SPDEF: variants seen among roughly 807,000 people sequenced by gnomAD.
SPDEF encodes the protein SAM pointed domain-containing Ets transcription factor.
In SPDEF, 12 loss-of-function variants were observed where a neutral mutation model predicts 36.0. The ratio of observed to expected loss-of-function variants is 0.33; its 90% CI spans 0.21 to 0.54. The LOEUF (loss-of-function observed/expected upper bound fraction) is 0.54, where lower values mean the gene tolerates loss of function less well. Ranked by LOEUF, SPDEF falls within the 20% of genes least tolerant of loss-of-function variation. The probability of loss-of-function intolerance (pLI) is 0.93; values close to 1 mark genes in which losing one functional copy is unlikely to be tolerated. For missense variants in SPDEF, 388 were observed against 456.9 expected (o/e 0.85, Z 1.37); for synonymous variants, 205 against 193.0 (o/e 1.06, Z -0.51).
At chr6:34,547,968 C>A (rs1258835419) in intron 1 of SPDEF, among the ~76,000 whole-genome samples, 2 of 152,178 alleles carry the variant, frequency 1.3e-5, no homozygotes, top group Admixed American at 1.3e-4. Context: ...GCAGCCCAGG[C>A]CTAGAGTAGG....
intron 1 of SPDEF, among the ~76,000 whole-genome samples, chr6:34,549,916 GC>G (rs1768025332): frequency 6.6e-6 from 1 of 152,202 alleles, no homozygotes; most frequent in African/African-American, 2.4e-5. Flanking sequence ...CTGTCTGTCA[GC>G]CCCTCCCTCC....
At chr6:34,553,495 G>A (rs1768106234) in intron 1 of SPDEF, among the ~76,000 whole-genome samples, 1 of 152,200 alleles carries the variant, frequency 6.6e-6, no homozygotes, top group Admixed American at 6.5e-5. Flanking sequence ...CTCTGGGGCT[G>A]GGGCCAGTGA....
chr6:34,545,583 A>G (rs1767934745), intron 1 of SPDEF, among the ~76,000 whole-genome samples: 1 of 152,232 alleles, frequency 6.6e-6, no homozygotes, highest in Admixed American at 6.5e-5. Flanking sequence ...ACATTCTGGG[A>G]TGGCAGTGAT....
At chr6:34,540,213 T>G (rs1767787795) in intron 3 of SPDEF, among the ~76,000 whole-genome samples, 1 of 151,830 alleles carries the variant, frequency 6.6e-6, no homozygotes, top group African/African-American at 2.4e-5. Flanking sequence ...GGTGGGAGGA[T>G]CCAATGAAAC....
intron 1 of SPDEF, among the ~76,000 whole-genome samples, chr6:34,545,988 T>C (rs1156371626): frequency 1.3e-5 from 2 of 151,720 alleles, no homozygotes; most frequent in Admixed American, 6.6e-5. Context: ...CCAACAGATA[T>C]ACGCTCCTAA....
rs1020397262 is a variant in SPDEF at position 34,544,447 on chromosome 6, G to A, written c.9C>T (p.Ser3=). 11 of 1,548,976 alleles carry A rather than the reference G, an allele frequency of 7.1e-6. No homozygotes were observed. The highest frequency in any genetic ancestry group is 2.3e-5 in the East Asian group (1 of 43,952). Residue 3 remains serine (S), a synonymous_variant, in exon 2 of 6, where the codon AGC becomes AGT. Transcript: ENST00000374037. This position sits in a 1 kb window ranked among gnomAD's most constrained non-coding sequence, Gnocchi z 4.4. ...ATACGCTGCTCAGACCCGGGCTGGC[G>A]CTGCCCATGCCGCTGCTGTTTGGGC... MG[S]ASPGLSSVSP...
At chr6:34,540,957 G>GCT in intron 3 of SPDEF, 27 bp downstream of exon 3, 1 of 1,597,588 alleles carries the variant, frequency 6.3e-7, no homozygotes, top group South Asian at 1.1e-5. Context: ...CCTGGGAGGG[G>GCT]CTGCTCCCAG....
At chr6:34,551,419 T>G (rs1768060166) in intron 1 of SPDEF, among the ~76,000 whole-genome samples, 2 of 152,170 alleles carry the variant, frequency 1.3e-5, no homozygotes, top group Admixed American at 6.5e-5. Context: ...CCCTGTTCCC[T>G]CCATAGGAGA....
intron 1 of SPDEF, among the ~76,000 whole-genome samples, chr6:34,547,593 C>G (rs1767981211): frequency 1.3e-5 from 2 of 152,134 alleles, no homozygotes; most frequent in African/African-American, 4.8e-5. Flanking sequence ...TCTCGAACTC[C>G]TGGGCTCAAG....
chr6:34,550,412 C>A (rs184766886), intron 1 of SPDEF, among the ~76,000 whole-genome samples: 68 of 152,330 alleles, frequency 4.5e-4, no homozygotes, highest in Non-Finnish European at 8.7e-4. Context: ...GCTGCCACCT[C>A]GGGCCAGCAG....
intron 1 of SPDEF, among the ~76,000 whole-genome samples, chr6:34,547,049 G>A (rs73746681): frequency 0.047 from 3,845 of 81,034 alleles, 135 homozygotes; most frequent in African/African-American, 0.15. Flanking sequence ...CTCCTGCCCC[G>A]TCCACATCCC....
At chr6:34,540,435 T>C (rs1179165138) in intron 3 of SPDEF, among the ~76,000 whole-genome samples, 1 of 150,234 alleles carries the variant, frequency 6.7e-6, no homozygotes. Flanking sequence ...GAATAAGAAC[T>C]GCATATATGT....
rs1767883834 is a variant in SPDEF, at chr6:34,543,945, GC to G, written c.436+74del. 5.4e-6 allele frequency: 8 copies of G among 1,479,456 alleles called. No homozygotes were observed. In the South Asian group the frequency reaches 7.5e-5, roughly 14 times the overall value. The allele number at this position is 1,479,456 out of a possible 1,614,324, so 91.6% of individuals were successfully genotyped here. ...AGGTGGCCAGAGTCCATCCAGCAGTGCCCCGACCCACCCCAGCGACCTCAGC... is the reference window on the plus strand; with the variant it reads ...AGGTGGCCAGAGTCCATCCAGCAGTGCCCGACCCACCCCAGCGACCTCAGC... On this transcript the variant is annotated intron_variant, in intron 2 of 5. Transcript: ENST00000374037.
Position 34,555,197 on chromosome 6 carries a change from C to T in SPDEF, c.-30+732G>A, listed in dbSNP as rs531929462. Among the ~76,000 whole-genome samples the T allele has an allele frequency of 3.7e-3, 505 of 137,504 alleles. 1 individual carries two copies. Among genetic ancestry groups the T allele is most frequent in the Non-Finnish European group, 6.7e-3 (433 of 64,898 alleles). The allele number at this position is 137,504 out of a possible 152,430, so 90.2% of individuals were successfully genotyped here. Reference sequence around the variant, plus strand: ...CGCCCAGGCCCTTCAGCTTCCCACCCTGTCATCCCACCACCCACTTCCTCT... The same window carrying T: ...CGCCCAGGCCCTTCAGCTTCCCACCTTGTCATCCCACCACCCACTTCCTCT... On this transcript the variant is annotated intron_variant, in intron 1 of 5. Coordinates refer to ENST00000374037, the MANE Select transcript of SPDEF (RefSeq NM_012391.3). This position sits in a 1 kb window ranked among gnomAD's most constrained non-coding sequence, Gnocchi z 5.2.
At position 34,538,556 on chromosome 6, in the gene SPDEF, G is replaced by C; in HGVS notation, c.830-104C>G. On this transcript the variant is annotated intron_variant, in intron 5 of 5. Coordinates refer to ENST00000374037, the MANE Select transcript of SPDEF (RefSeq NM_012391.3). The surrounding 1 kb of genome is among the most constrained non-coding windows in gnomAD (Gnocchi z 5.9). The stretch of plus-strand genomic sequence containing the variant: ...GCCTCGTGGCGAACCAAGGGACCCC[G>C]TGCAGAGGCCTCCCCCTGCTCGGGT... 8.4e-7 allele frequency: 1 copy of C among 1,191,644 alleles called. No individual in the cohort carries two copies. The highest frequency in any genetic ancestry group is 1.2e-6 in the Non-Finnish European group (1 of 849,056). 73.8% of individuals were successfully genotyped at this position (1,191,644 alleles called of 1,614,324 possible).
At chr6:34,540,720 T>G (rs1474879037) in intron 3 of SPDEF, among the ~76,000 whole-genome samples, 4 of 152,222 alleles carry the variant, frequency 2.6e-5, no homozygotes, top group African/African-American at 7.2e-5. Context: ...TCTGACATCC[T>G]GCATCCTCAC....
At chr6:34,543,195 C>CAAAAAAAAAAAAAAAAAAAAAAAAAA (rs56021909) in intron 2 of SPDEF, among the ~76,000 whole-genome samples, 2 of 69,144 alleles carry the variant, frequency 2.9e-5, no homozygotes, top group Non-Finnish European at 4.7e-5. Flanking sequence ...GACTCCATCT[C>CAAAAAAAAAAAAAAAAAAAAAAAAAA]AAAAAAAAAA....
rs370655462 is a variant in SPDEF, at chr6:34,544,212, T to C, written c.244A>G (p.Ser82Gly). The C allele has an allele frequency of 1.4e-5, 22 of 1,613,784 alleles. No individual in the cohort carries two copies. Among genetic ancestry groups the C allele is most frequent in the Middle Eastern group, 1.6e-4 (1 of 6,084 alleles). The change falls in exon 2 of 6, where the codon AGT becomes GGT. Residue 82 changes from serine to glycine, a missense_variant. By Grantham distance (56) the Ser-to-Gly change is moderately conservative (BLOSUM62 0). Coordinates refer to ENST00000374037, the MANE Select transcript of SPDEF (RefSeq NM_012391.3). This position sits in a 1 kb window ranked among gnomAD's most constrained non-coding sequence, Gnocchi z 4.4. ...SWAAKAPGASSREEPPEEPEQ... is the reference protein window; with the variant it reads ...SWAAKAPGASGREEPPEEPEQ... ...GGCTCCTCAGGTGGCTCCTCCCGACTGCTGGCCCCAGGGGCCTTGGCTGCC... is the reference window on the plus strand; with the variant it reads ...GGCTCCTCAGGTGGCTCCTCCCGACCGCTGGCCCCAGGGGCCTTGGCTGCC...
chr6:34,543,615 GAAGT>G (rs1331498778), intron 2 of SPDEF, among the ~76,000 whole-genome samples: 2 of 152,228 alleles, frequency 1.3e-5, no homozygotes, highest in African/African-American at 4.8e-5. Context: ...AGACCTGAAG[GAAGT>G]GAGTCACACA....
Sources: gnomAD v4.1 joint callset for allele counts (sites outside exome capture counted in the v4.1 genomes callset) on GRCh38, gnomAD v4.1.1 for gene constraint, Gnocchi (gnomAD v3.1) non-coding constraint, MANE v1.5 for transcripts, NCBI Gene and HGNC (gene_info 2026-07-23, HGNC 2026-07-21) for gene names.